LRP1: variants seen among roughly 807,000 people sequenced by gnomAD.
LRP1 encodes LDL receptor related protein 1, also known as prolow-density lipoprotein receptor-related protein 1.
LRP1 carries 51 observed loss-of-function variants against 541.5 expected under a neutral mutation model. The observed-to-expected ratio is 0.09, with a 90% CI of 0.08 to 0.12. The LOEUF (loss-of-function observed/expected upper bound fraction) is 0.12, where lower values mean the gene tolerates loss of function less well. Among genes scored for constraint, LRP1 ranks in the 10% least tolerant of loss-of-function variants. The probability of loss-of-function intolerance (pLI) is 1.00; values close to 1 mark genes in which losing one functional copy is unlikely to be tolerated. For synonymous variants in LRP1, 2,219 were observed against 2,470.8 expected, an observed-to-expected ratio of 0.90 and a Z score of 3.02; for missense variants, 3,878 against 6,376.2, an observed-to-expected ratio of 0.61 and a Z score of 13.34.
At chr12:57,174,036 C>T (rs1355702976) in intron 22 of LRP1, 56 bp downstream of exon 22, 27 of 1,553,182 alleles carry the variant, frequency 1.7e-5, no homozygotes, top group Non-Finnish European at 2.4e-5. Flanking sequence ...GAGTCTGGGC[C>T]AAGGACAGTC....
chr12:57,202,316 C>G (rs1457228909), intron 67 of LRP1, 105 bp from the exon 68 acceptor site: 2 of 894,282 alleles, frequency 2.2e-6, no homozygotes, highest in Non-Finnish European at 3.7e-6. Context: ...CCTTCCCAAG[C>G]TGGGATGCCC....
At chr12:57,136,251 G>A (rs905918379) in intron 1 of LRP1, among the ~76,000 whole-genome samples, 1 of 152,192 alleles carries the variant, frequency 6.6e-6, no homozygotes, top group South Asian at 2.1e-4. Flanking sequence ...GCTGAAGGGG[G>A]AGCCTGGCTA....
intron 50 of LRP1, 125 bp downstream of exon 50, chr12:57,194,824 A>G: frequency 7.7e-7 from 1 of 1,299,218 alleles, no homozygotes. Context: ...CCCACACCCC[A>G]ACTCTTGAGG....
chr12:57,153,509 T>C (rs1179849159), intron 6 of LRP1, among the ~76,000 whole-genome samples: 2 of 152,042 alleles, frequency 1.3e-5, no homozygotes, highest in Non-Finnish European at 2.9e-5. Flanking sequence ...TCCTAGACTC[T>C]CTCTCCTCCA....
At chr12:57,145,522 G>A in intron 6 of LRP1, 32 bp downstream of exon 6, 2 of 1,603,408 alleles carry the variant, frequency 1.2e-6, no homozygotes, top group Non-Finnish European at 1.7e-6. Context: ...TGGAGGGCTG[G>A]GGAGGGTAGG....
At position 57,162,030 on chromosome 12, in the gene LRP1, C is replaced by CGT. The variant is rs2035746164; in HGVS notation, c.2203-278_2203-277dup. Reference sequence around the variant, plus strand: ...GTGTGTGTGTGTGCACGTATGTGTGCGTGTGTGTGTTTGGGGACTATGAAT... The same window carrying CGT: ...GTGTGTGTGTGTGCACGTATGTGTGCGTGTGTGTGTGTTTGGGGACTATGAAT... On this transcript the variant is annotated intron_variant, in intron 13 of 88. Coordinates refer to ENST00000243077, the MANE Select transcript of LRP1 (RefSeq NM_002332.3). This position sits in a 1 kb window ranked among gnomAD's most constrained non-coding sequence, Gnocchi z 5.2. 1.3e-5 allele frequency among the ~76,000 whole-genome samples: 2 copies of CGT among 151,678 alleles called. No homozygotes were observed. The highest frequency in any genetic ancestry group is 2.9e-5 in the Non-Finnish European group (2 of 67,922).
At chr12:57,134,808 C>G (rs943245409) in intron 1 of LRP1, among the ~76,000 whole-genome samples, 5 of 152,188 alleles carry the variant, frequency 3.3e-5, no homozygotes, top group Non-Finnish European at 7.4e-5. Context: ...CTGGTTCACG[C>G]CATTCTCCTG....
Position 57,205,904 on chromosome 12 carries a change from C to T in LRP1, c.11590+227C>T. On this transcript the variant is annotated intron_variant, in intron 75 of 88. Transcript: ENST00000243077. The surrounding 1 kb of genome is among the most constrained non-coding windows in gnomAD (Gnocchi z 4.6). ...GGGTGTGGCAGTGCTCTGAATTGCA[C>T]ACACACCTCCTCACCCACCACTGCC... is the stretch of plus-strand genomic sequence containing the variant. The T allele has an allele frequency of 3.3e-6, 2 of 610,452 alleles. No homozygotes were observed. The highest frequency in any genetic ancestry group is 1.8e-5 in the African/African-American group (1 of 54,184). The allele number at this position is 610,452 out of a possible 1,614,324, so 37.8% of individuals were successfully genotyped here.
chr12:57,157,672 C>T (rs2035648051), intron 10 of LRP1, among the ~76,000 whole-genome samples: 1 of 152,124 alleles, frequency 6.6e-6, no homozygotes, highest in Non-Finnish European at 1.5e-5. Context: ...AGAGCAAGGG[C>T]CTCTCTGAGG....
At chr12:57,137,663 A>C (rs2035200348) in intron 1 of LRP1, among the ~76,000 whole-genome samples, 1 of 151,972 alleles carries the variant, frequency 6.6e-6, no homozygotes, top group African/African-American at 2.4e-5. Flanking sequence ...GGACATGGTG[A>C]TGCATGTCTG....
intron 58 of LRP1, 90 bp from the exon 59 acceptor site, chr12:57,198,066 T>A (rs2036573821): frequency 8.6e-6 from 10 of 1,161,408 alleles, no homozygotes; most frequent in Admixed American, 4.3e-5. Flanking sequence ...CTCTACCCCA[T>A]TTTACACGAG....
At chr12:57,172,777 A>G (rs1016603820) in intron 20 of LRP1, among the ~76,000 whole-genome samples, 1 of 152,314 alleles carries the variant, frequency 6.6e-6, no homozygotes. Flanking sequence ...CCATGAGGGT[A>G]GGGACTTTGT....
intron 41 of LRP1, among the ~76,000 whole-genome samples, chr12:57,187,026 G>A (rs1185612273): frequency 6.6e-6 from 1 of 152,218 alleles, no homozygotes; most frequent in Non-Finnish European, 1.5e-5. Flanking sequence ...AAGCCCGATT[G>A]CCCTCAGTGG....
chr12:57,191,260 G>A (rs960135303), intron 43 of LRP1, 60 bp from the exon 44 acceptor site: 68 of 1,490,704 alleles, frequency 4.6e-5, no homozygotes, highest in African/African-American at 1.1e-4. Context: ...GCTGTGGTCC[G>A]GTGGAGACTG....
intron 23 of LRP1, 68 bp from the exon 24 acceptor site, chr12:57,175,841 T>C: frequency 6.3e-7 from 1 of 1,590,438 alleles, no homozygotes; most frequent in Non-Finnish European, 8.6e-7. Flanking sequence ...GAGACCTGCC[T>C]GCGCCAGGAC....
At chr12:57,166,352 C>G in intron 17 of LRP1, 143 bp downstream of exon 17, 1 of 1,128,036 alleles carries the variant, frequency 8.9e-7, no homozygotes, top group Non-Finnish European at 1.2e-6. Flanking sequence ...CCCAGGAGCT[C>G]AAGACCAGCC....
At chr12:57,131,722 T>C (rs143904195) in intron 1 of LRP1, among the ~76,000 whole-genome samples, 44 of 152,330 alleles carry the variant, frequency 2.9e-4, no homozygotes, top group African/African-American at 9.9e-4. Flanking sequence ...GCTGCTTCAC[T>C]AGACATCTTT....
chr12:57,162,308 C>T lies in LRP1; in HGVS notation c.2203-9C>T. On this transcript the variant is annotated splice_polypyrimidine_tract_variant and intron_variant, in intron 13 of 88. Transcript: ENST00000243077. This position sits in a 1 kb window ranked among gnomAD's most constrained non-coding sequence, Gnocchi z 5.2. ...TCCAACTCCTTAGTAACATCCTCTC[C>T]ATCCCTAGATTGTGTATGAAGGTCC... 6.2e-7 allele frequency: 1 copy of T among 1,613,010 alleles called. No individual in the cohort carries two copies. Among genetic ancestry groups the T allele is most frequent in the African/African-American group, 1.3e-5 (1 of 75,026 alleles).
rs1304397629 is a variant in LRP1 at position 57,193,314 on chromosome 12, C to T, written c.7684+10C>T. The T allele has an allele frequency of 1.9e-6, 3 of 1,607,870 alleles. No homozygotes were observed. The East Asian group carries it at 6.7e-5, about 36-fold the overall frequency. ...AAGCCATCCTACTGCAGTAAGGAGC[C>T]CCCTGCAGCCCCTGCCTCTTCCAGG... On this transcript the variant is annotated intron_variant, in intron 46 of 88. Coordinates refer to ENST00000243077, the MANE Select transcript of LRP1 (RefSeq NM_002332.3).
Sources: allele counts gnomAD v4.1 joint callset (sites outside exome capture counted in the v4.1 genomes callset), GRCh38; gene constraint gnomAD v4.1.1; non-coding constraint Gnocchi (gnomAD v3.1); transcripts MANE v1.5; gene names NCBI Gene and HGNC (gene_info 2026-07-23, HGNC 2026-07-21).